CSMD1: variants seen among roughly 807,000 people sequenced by gnomAD.
The protein encoded by CSMD1 is CUB and sushi domain-containing protein 1.
Under a neutral mutation model 417.5 loss-of-function variants are expected in CSMD1, and 213 were observed. That is an observed-to-expected ratio of 0.51 (90% CI 0.46 to 0.57). CSMD1 has a LOEUF of 0.57. Among genes scored for constraint, CSMD1 ranks in the 20% least tolerant of loss-of-function variants. The pLI, the probability that CSMD1 is intolerant of heterozygous loss-of-function variation, is 0.00. For missense variants in CSMD1, 6,923 were observed against 4,529.7 expected, an observed-to-expected ratio of 1.53 and a Z score of -15.17; for synonymous variants, 2,862 against 1,736.8, an observed-to-expected ratio of 1.65 and a Z score of -16.11.
At chr8:3,968,855 A>G (rs925025055) in intron 5 of CSMD1, among the ~76,000 whole-genome samples, 1 of 152,202 alleles carries the variant, frequency 6.6e-6, no homozygotes, top group South Asian at 2.1e-4. Context: ...GTTATATTCG[A>G]TCACACATCA....
chr8:4,820,976 G>GT (rs1433095597), intron 1 of CSMD1, among the ~76,000 whole-genome samples: 1 of 152,052 alleles, frequency 6.6e-6, no homozygotes, highest in Non-Finnish European at 1.5e-5. Flanking sequence ...CTCAAAAATG[G>GT]TAAGAGACAC....
intron 1 of CSMD1, among the ~76,000 whole-genome samples, chr8:4,780,759 C>A (rs1052811895): frequency 5.2e-4 from 79 of 152,190 alleles, no homozygotes; most frequent in African/African-American, 1.8e-3. Flanking sequence ...TCCATTGTAT[C>A]ATTTTTATGC....
chr8:4,081,193 T>A (rs1258455617), intron 3 of CSMD1, among the ~76,000 whole-genome samples: 3 of 152,182 alleles, frequency 2.0e-5, no homozygotes, highest in African/African-American at 4.8e-5. Flanking sequence ...TATTTATAAA[T>A]TATCCAGTCT....
chr8:3,587,189 C>T (rs573080279), intron 8 of CSMD1, among the ~76,000 whole-genome samples: 7 of 152,324 alleles, frequency 4.6e-5, no homozygotes, highest in South Asian at 4.2e-4. Flanking sequence ...TGGAGCTTTA[C>T]GGTTGTAAAC....
rs202232368 is a variant in CSMD1, at chr8:3,075,018, TAGTG to T, written c.7474+12075_7474+12078del. On this transcript the variant is annotated intron_variant, in intron 49 of 69. Coordinates refer to ENST00000635120, the MANE Select transcript of CSMD1 (RefSeq NM_033225.6). ...CTTCCTTTTGGTGCTGTCCTCATGA[TAGTG>T]AGTGAGTTCTTGCAAGATCCAGCTG... is the stretch of plus-strand genomic sequence containing the variant. Among the ~76,000 whole-genome samples, 1,119 of 152,240 alleles carry T rather than the reference TAGTG, an allele frequency of 7.4e-3. 14 individuals are homozygous for T. Among genetic ancestry groups the T allele is most frequent in the African/African-American group, 0.025 (1,049 of 41,536 alleles).
At position 3,359,138 on chromosome 8, in the gene CSMD1, G is replaced by A. The variant is rs377398328; in HGVS notation, c.3304+14C>T. The A allele has an allele frequency of 2.7e-5, 44 of 1,613,096 alleles. No individual in the cohort carries two copies. Among genetic ancestry groups the A allele is most frequent in the African/African-American group, 6.7e-5 (5 of 74,834 alleles). ...CCCCATGGATGAATGAAATGAAAGCGTGTGACCACCTACCCACACACCTTG... is the reference window on the plus strand; with the variant it reads ...CCCCATGGATGAATGAAATGAAAGCATGTGACCACCTACCCACACACCTTG... On this transcript the variant is annotated intron_variant, in intron 21 of 69. Transcript: ENST00000635120.
At chr8:4,159,883 A>G (rs569497059) in intron 3 of CSMD1, among the ~76,000 whole-genome samples, 86 of 152,248 alleles carry the variant, frequency 5.6e-4, no homozygotes, top group African/African-American at 1.9e-3. Context: ...AGTGCGAGCT[A>G]GCCTATGAGG....
intron 5 of CSMD1, among the ~76,000 whole-genome samples, chr8:3,756,437 G>A (rs1009150613): frequency 3.3e-5 from 5 of 151,526 alleles, no homozygotes; most frequent in African/African-American, 7.3e-5. Flanking sequence ...TACAAAAAAC[G>A]TTAAATTCAA....
chr8:3,907,077 T>C (rs945653572), intron 5 of CSMD1, among the ~76,000 whole-genome samples: 7 of 152,150 alleles, frequency 4.6e-5, no homozygotes, highest in Non-Finnish European at 1.0e-4. Context: ...TAGCTAGTAA[T>C]CACATCCCAT....
intron 5 of CSMD1, among the ~76,000 whole-genome samples, chr8:3,986,653 A>T (rs1814339225): frequency 6.6e-6 from 1 of 152,116 alleles, no homozygotes. Flanking sequence ...CTTTCCTTAT[A>T]CCATGAGATA....
intron 5 of CSMD1, among the ~76,000 whole-genome samples, chr8:3,913,593 C>G (rs575484293): frequency 2.0e-5 from 3 of 152,254 alleles, no homozygotes; most frequent in East Asian, 3.9e-4. Flanking sequence ...AGTGCATTTG[C>G]CCACAGATCT....
At chr8:3,809,525 A>G (rs1194817159) in intron 5 of CSMD1, among the ~76,000 whole-genome samples, 1 of 152,156 alleles carries the variant, frequency 6.6e-6, no homozygotes, top group African/African-American at 2.4e-5. Context: ...CCCAGAAATT[A>G]GTGGGTTCTC....
chr8:4,602,398 G>A (rs940762543), intron 2 of CSMD1, among the ~76,000 whole-genome samples: 3 of 152,094 alleles, frequency 2.0e-5, no homozygotes, highest in Non-Finnish European at 4.4e-5. Context: ...TAATTTGCTG[G>A]TCCAAGATAC....
At chr8:4,955,195 T>G (rs1328301998) in intron 1 of CSMD1, among the ~76,000 whole-genome samples, 1 of 152,174 alleles carries the variant, frequency 6.6e-6, no homozygotes, top group Non-Finnish European at 1.5e-5. Flanking sequence ...TCCCGTTGGC[T>G]TCTACCCATT....
rs114636037 is a variant in CSMD1 at position 4,379,522 on chromosome 8, T to C, written c.415+40431A>G. Among the ~76,000 whole-genome samples, 632 of 152,270 alleles carry C rather than the reference T, an allele frequency of 4.2e-3. 2 individuals carry two copies. The highest frequency in any genetic ancestry group is 0.014 in the African/African-American group (599 of 41,558). ...ATGTTAGCACTGGAAGGCAAGTGGG[T>C]GAAGTATATATAGGATGTCTGTATT... is the stretch of plus-strand genomic sequence containing the variant. On this transcript the variant is annotated intron_variant, in intron 3 of 69. Coordinates refer to ENST00000635120, the MANE Select transcript of CSMD1 (RefSeq NM_033225.6).
intron 3 of CSMD1, among the ~76,000 whole-genome samples, chr8:4,104,760 G>T (rs748677526): frequency 3.3e-5 from 5 of 152,124 alleles, no homozygotes; most frequent in African/African-American, 1.2e-4. Flanking sequence ...GCACAATCCG[G>T]CTTTCCGTTT....
intron 3 of CSMD1, among the ~76,000 whole-genome samples, chr8:4,039,882 T>G (rs559461159): frequency 1.1e-4 from 16 of 152,346 alleles, no homozygotes; most frequent in African/African-American, 3.4e-4. Context: ...GACAAATTAC[T>G]TAGATCTTAG....
rs368346634 is a variant in CSMD1, at chr8:4,791,448, T to C, written c.86-153890A>G. The stretch of plus-strand genomic sequence containing the variant: ...GACCCCATCCCTTGGTCTATAAGGT[T>C]TGTGATCTTGAAAAGTGAACCTAAT... On this transcript the variant is annotated intron_variant, in intron 1 of 69. Transcript: ENST00000635120. Among the ~76,000 whole-genome samples the C allele has an allele frequency of 1.3e-4, 20 of 152,334 alleles. No homozygotes were observed. In the South Asian group the frequency reaches 3.3e-3, roughly 25 times the overall value.
At chr8:4,520,569 T>C (rs1803388371) in intron 2 of CSMD1, among the ~76,000 whole-genome samples, 1 of 152,044 alleles carries the variant, frequency 6.6e-6, no homozygotes, top group African/African-American at 2.4e-5. Flanking sequence ...AAACAGATAA[T>C]CAGAGTGGTT....
Sources: allele counts gnomAD v4.1 joint callset (sites outside exome capture counted in the v4.1 genomes callset), GRCh38; gene constraint gnomAD v4.1.1; transcripts MANE v1.5; gene names NCBI Gene and HGNC (gene_info 2026-07-23, HGNC 2026-07-21).